PEX5L: variants seen among roughly 807,000 people sequenced by gnomAD.
PEX5L encodes the protein PEX5-related protein.
PEX5L carries 30 observed loss-of-function variants against 84.0 expected under a neutral mutation model. The ratio of observed to expected loss-of-function variants is 0.36; its 90% CI spans 0.27 to 0.48. PEX5L has a LOEUF of 0.48. Among genes scored for constraint, PEX5L ranks in the 20% least tolerant of loss-of-function variants. The pLI is 0.99. For synonymous variants in PEX5L, 270 were observed against 283.1 expected, an observed-to-expected ratio of 0.95 and a Z score of 0.46; for missense variants, 533 against 754.6, an observed-to-expected ratio of 0.71 and a Z score of 3.44.
rs942732668 is a variant in PEX5L at position 179,795,372 on chromosome 3, T to C, written c.*6456A>G. ...TACTACCTTAATCTTGTTACGCAAA[T>C]TAGAAGCCAACTGAGTAAATTAAAC... On this transcript the variant is annotated 3_prime_UTR_variant, in exon 15 of 15. Transcript: ENST00000467460. 6.6e-6 allele frequency: 1 copy of C among 152,108 alleles called. No homozygotes were observed. Among genetic ancestry groups the C allele is most frequent in the Non-Finnish European group, 1.5e-5 (1 of 67,982 alleles). The allele number at this position is 152,108 out of a possible 1,614,324, so 9.4% of individuals were successfully genotyped here. A position where few individuals can be genotyped will look rare whatever the true frequency, so the allele number is the denominator to read the frequency against.
At position 179,797,584 on chromosome 3, in the gene PEX5L, C is replaced by T. The variant is rs1268457047; in HGVS notation, c.*4244G>A. On this transcript the variant is annotated 3_prime_UTR_variant, in exon 15 of 15. Coordinates refer to ENST00000467460, the MANE Select transcript of PEX5L (RefSeq NM_016559.3). ...TTATGCCAGAGTTTATCTATGAACA[C>T]TCTTTAAAAAAAAAAAAAAAAATAT... 53 of 90,930 alleles carry T rather than the reference C, an allele frequency of 5.8e-4. No individual in the cohort carries two copies. The highest frequency in any genetic ancestry group is 2.3e-3 in the African/African-American group (52 of 22,432). The allele number at this position is 90,930 out of a possible 1,614,324, so 5.6% of individuals were successfully genotyped here.
At chr3:179,806,541 A>C (rs577339796) in intron 14 of PEX5L, among the ~76,000 whole-genome samples, 2 of 152,246 alleles carry the variant, frequency 1.3e-5, no homozygotes, top group Admixed American at 6.5e-5. Context: ...GCCAGTGGCA[A>C]AATGCACCAA....
At chr3:179,806,867 G>C (rs1577110094) in intron 14 of PEX5L, among the ~76,000 whole-genome samples, 1 of 152,156 alleles carries the variant, frequency 6.6e-6, no homozygotes, top group Non-Finnish European at 1.5e-5. Context: ...ACACAGGCTT[G>C]TCTGATTATT....
intron 2 of PEX5L, chr3:179,900,831 ACT>A: frequency 2.6e-6 from 2 of 756,350 alleles, no homozygotes; most frequent in Non-Finnish European, 4.5e-6. Flanking sequence ...CATGAGCGTC[ACT>A]GTTTTACAAG....
At chr3:179,881,850 T>G (rs763865929) in intron 4 of PEX5L, among the ~76,000 whole-genome samples, 1 of 152,160 alleles carries the variant, frequency 6.6e-6, no homozygotes, top group African/African-American at 2.4e-5. Context: ...CCTGAGGCAA[T>G]AGGAACCACT....
In PEX5L at chr3:179,995,496, C is replaced by A. The variant is rs1787804598; in HGVS notation, c.22-23831G>T. 2.0e-5 allele frequency among the ~76,000 whole-genome samples: 3 copies of A among 152,148 alleles called. No homozygotes were observed. The South Asian group carries it at 6.2e-4, about 32-fold the overall frequency. On this transcript the variant is annotated intron_variant, in intron 1 of 14. Transcript: ENST00000467460. ...TTTAGAGAGTTATGCAAAATAAATGCATTTGACACTCCTGATTCACTGCTT... is the reference window on the plus strand; with the variant it reads ...TTTAGAGAGTTATGCAAAATAAATGAATTTGACACTCCTGATTCACTGCTT...
At chr3:179,845,148 C>T (rs1238600989) in intron 8 of PEX5L, among the ~76,000 whole-genome samples, 1 of 152,130 alleles carries the variant, frequency 6.6e-6, no homozygotes, top group Non-Finnish European at 1.5e-5. Context: ...TATGGCTACT[C>T]CAGCTTTTTG....
Position 179,801,829 on chromosome 3 carries a change from C to T in PEX5L, c.1880G>A (p.Ter627=), listed in dbSNP as rs772409119. 1.3e-6 allele frequency: 2 copies of T among 1,591,882 alleles called. No individual in the cohort carries two copies. Among genetic ancestry groups the T allele is most frequent in the South Asian group, 2.2e-5 (2 of 90,654 alleles). ...ATTAGTACTGGTATTATTCTTTCTTCAAGGATCCAAGTTGAAAGCTCTTAA... is the reference window on the plus strand; with the variant it reads ...ATTAGTACTGGTATTATTCTTTCTTTAAGGATCCAAGTTGAAAGCTCTTAA... The part of the protein sequence containing the change: ...VLLRAFNLDP[*] Residue 627 remains the stop codon, a stop_retained_variant, in exon 15 of 15, where the codon TGA becomes TAA. Transcript: ENST00000467460.
intron 1 of PEX5L, among the ~76,000 whole-genome samples, chr3:179,983,883 T>C (rs1294124847): frequency 1.3e-5 from 2 of 152,058 alleles, no homozygotes; most frequent in African/African-American, 2.4e-5. Context: ...TTTTTTGATA[T>C]TGTATAATGA....
chr3:179,935,340 G>A (rs1388634792), intron 2 of PEX5L, among the ~76,000 whole-genome samples: 1 of 152,182 alleles, frequency 6.6e-6, no homozygotes, highest in East Asian at 1.9e-4. Flanking sequence ...TGACTGCATT[G>A]TGGGATGTGC....
intron 1 of PEX5L, among the ~76,000 whole-genome samples, chr3:180,034,714 G>A (rs1490121544): frequency 1.3e-5 from 2 of 152,134 alleles, no homozygotes; most frequent in African/African-American, 2.4e-5. Context: ...TTTGGTGGAT[G>A]TATTGATTAC....
At chr3:179,913,660 T>C (rs991458399) in intron 2 of PEX5L, among the ~76,000 whole-genome samples, 1 of 152,280 alleles carries the variant, frequency 6.6e-6, no homozygotes, top group East Asian at 1.9e-4. Context: ...TAATTGGAAA[T>C]AGAAATGTAT....
chr3:179,850,098 A>G (rs1741201736), intron 8 of PEX5L, among the ~76,000 whole-genome samples: 1 of 152,054 alleles, frequency 6.6e-6, no homozygotes, highest in Non-Finnish European at 1.5e-5. Flanking sequence ...CTTATCCACA[A>G]ATTTATCTAA....
intron 8 of PEX5L, among the ~76,000 whole-genome samples, chr3:179,829,943 ATTTTTTTTT>A (rs11352022): frequency 2.9e-4 from 24 of 83,630 alleles, no homozygotes; most frequent in African/African-American, 2.0e-4. Context: ...GGCCTGGCTA[ATTTTTTTTT>A]TTTTTTTTTT....
At chr3:179,871,339 G>C (rs1750313473) in intron 7 of PEX5L, among the ~76,000 whole-genome samples, 4 of 152,062 alleles carry the variant, frequency 2.6e-5, no homozygotes, top group Non-Finnish European at 5.9e-5. Context: ...CTGACCTTAA[G>C]TAATCCACCC....
rs373519074 is a variant in PEX5L at position 179,801,882 on chromosome 3, C to T, written c.1827G>A (p.Ala609=). The T allele has an allele frequency of 6.8e-5, 110 of 1,613,992 alleles. No homozygotes were observed. Among genetic ancestry groups the T allele is most frequent in the Middle Eastern group, 1.7e-4 (1 of 6,056 alleles). ...GGACATCCAGGTCACCAAGATTAGC[C>T]GCCTGGAAGAGTTCTGGTTGGTCCA... ...SLMDQPELFQ[A]ANLGDLDVLL... Residue 609 remains alanine, a synonymous_variant, in exon 15 of 15, where the codon GCG becomes GCA. Coordinates refer to ENST00000467460, the MANE Select transcript of PEX5L (RefSeq NM_016559.3).
chr3:179,991,969 T>G (rs984459441), intron 1 of PEX5L, among the ~76,000 whole-genome samples: 12 of 152,220 alleles, frequency 7.9e-5, no homozygotes, highest in Admixed American at 7.2e-4. Flanking sequence ...GGCGCTTATT[T>G]ATAAAAGTAG....
intron 1 of PEX5L, among the ~76,000 whole-genome samples, chr3:180,008,752 C>A (rs750735100): frequency 2.0e-5 from 3 of 152,262 alleles, no homozygotes; most frequent in East Asian, 1.9e-4. Flanking sequence ...GACTTATTCA[C>A]TATCATGAGA....
chr3:179,898,308 A>T, intron 2 of PEX5L, 62 bp from the exon 3 acceptor site: 1 of 1,153,176 alleles, frequency 8.7e-7, no homozygotes, highest in African/African-American at 1.5e-5. Flanking sequence ...TATTTATTAC[A>T]AGATATTCTA....
Sources: allele counts gnomAD v4.1 joint callset (sites outside exome capture counted in the v4.1 genomes callset), GRCh38; gene constraint gnomAD v4.1.1; transcripts MANE v1.5; gene names NCBI Gene and HGNC (gene_info 2026-07-23, HGNC 2026-07-21).